The following OSBPL2 variants were observed in gnomAD, a reference collection of about 807,000 sequenced individuals.
The protein encoded by OSBPL2 is oxysterol-binding protein-related protein 2.
A neutral mutation model predicts 58.4 loss-of-function variants in OSBPL2; 18 were observed. The observed-to-expected ratio is 0.31, with a 90% CI of 0.21 to 0.46. The LOEUF is 0.46. Ranked by LOEUF, OSBPL2 falls within the 20% of genes least tolerant of loss-of-function variation. The pLI is 1.00. For synonymous variants in OSBPL2, 221 were observed against 234.1 expected, an observed-to-expected ratio of 0.94 and a Z score of 0.51; for missense variants, 461 against 616.5, an observed-to-expected ratio of 0.75 and a Z score of 2.67.
chr20:62,247,210 A>C (rs1401818822), intron 1 of OSBPL2, among the ~76,000 whole-genome samples: 1 of 152,128 alleles, frequency 6.6e-6, no homozygotes, highest in Admixed American at 6.5e-5. Flanking sequence ...TTGGCCCTGG[A>C]AGCTGGTTTG....
At chr20:62,263,788 G>C (rs550351557) in intron 4 of OSBPL2, 97 bp downstream of exon 4, 6 of 1,106,754 alleles carry the variant, frequency 5.4e-6, no homozygotes, top group Non-Finnish European at 8.2e-6. Context: ...GCTCTTGGCC[G>C]GGCGCGGTGG....
chr20:62,243,183 A>C (rs1046731045), intron 1 of OSBPL2, among the ~76,000 whole-genome samples: 1 of 152,212 alleles, frequency 6.6e-6, no homozygotes, highest in African/African-American at 2.4e-5. Context: ...CTACCCTCTT[A>C]CTGTGAAAGA....
intron 2 of OSBPL2, 119 bp from the exon 3 acceptor site, chr20:62,259,862 T>C: frequency 2.3e-6 from 2 of 865,536 alleles, no homozygotes; most frequent in Non-Finnish European, 3.7e-6. Context: ...CTTCCAAATG[T>C]GTCCGTTCAC....
At chr20:62,275,967 T>C (rs1478309282) in intron 6 of OSBPL2, among the ~76,000 whole-genome samples, 2 of 150,554 alleles carry the variant, frequency 1.3e-5, no homozygotes, top group Non-Finnish European at 2.9e-5. Flanking sequence ...TGGAGGGCAG[T>C]GGCATGATCT....
In OSBPL2 at chr20:62,285,019, G is replaced by A. The variant is rs7268311; in HGVS notation, c.996+850G>A. The A allele has an allele frequency of 2.8e-3, 419 of 152,186 alleles. 3 individuals are homozygous for A. Among genetic ancestry groups the A allele is most frequent in the African/African-American group, 9.5e-3 (395 of 41,500 alleles). The allele number at this position is 152,186 out of a possible 1,614,324, so 9.4% of individuals were successfully genotyped here. A position where few individuals can be genotyped will look rare whatever the true frequency, so the allele number is the denominator to read the frequency against. On this transcript the variant is annotated intron_variant, in intron 10 of 13. Transcript: ENST00000313733. ...CATTATCTTAAGACTAGTTGTTCTT[G>A]AACTTAAAAATAAAAGGGATAGTTC... is the stretch of plus-strand genomic sequence containing the variant.
intron 1 of OSBPL2, among the ~76,000 whole-genome samples, chr20:62,252,444 G>A (rs1343837797): frequency 2.0e-5 from 3 of 152,148 alleles, no homozygotes; most frequent in Non-Finnish European, 2.9e-5. Flanking sequence ...GTGTGCCCAC[G>A]CCTAAGAAGT....
Position 62,283,861 on chromosome 20 carries a change from G to A in OSBPL2, c.873-185G>A, listed in dbSNP as rs2274937. ...TTTCCGGCCCTTCATTTTCCTTTCCGTGGTGTGTATCGGGGCTACGAATGG... is the reference window on the plus strand; with the variant it reads ...TTTCCGGCCCTTCATTTTCCTTTCCATGGTGTGTATCGGGGCTACGAATGG... On this transcript the variant is annotated intron_variant, in intron 9 of 13. Coordinates refer to ENST00000313733, the MANE Select transcript of OSBPL2 (RefSeq NM_144498.4). Among the ~76,000 whole-genome samples, 57,589 of 151,688 alleles carry A rather than the reference G, an allele frequency of 0.38. 12,378 individuals carry two copies. The highest frequency in any genetic ancestry group is 0.52 in the East Asian group (2,693 of 5,138).
intron 3 of OSBPL2, 114 bp from the exon 4 acceptor site, chr20:62,263,502 A>G: frequency 1.2e-6 from 1 of 834,346 alleles, no homozygotes; most frequent in Non-Finnish European, 2.0e-6. Context: ...GAATGTAGAA[A>G]TGCCAATGTT....
At chr20:62,289,869 CA>C (rs1319953077) in intron 12 of OSBPL2, among the ~76,000 whole-genome samples, 1 of 152,168 alleles carries the variant, frequency 6.6e-6, no homozygotes, top group Non-Finnish European at 1.5e-5. Flanking sequence ...TATACCACTG[CA>C]CTCCAGCCAG....
rs1982770979 is a variant in OSBPL2 at position 62,281,361 on chromosome 20, GA to G, written c.782+197del. 2.5e-5 allele frequency: 14 copies of G among 570,796 alleles called. No individual in the cohort carries two copies. The East Asian group carries it at 4.0e-4, about 16-fold the overall frequency. 35.4% of individuals were successfully genotyped at this position (570,796 alleles called of 1,614,324 possible). ...TTGGCCATGAATGCTCCTCGTTCAA[GA>G]CCTCGTTTTTCGTCACGGTTGTTAC... On this transcript the variant is annotated intron_variant, in intron 8 of 13. Transcript: ENST00000313733.
At chr20:62,271,278 G>A (rs1740122114) in intron 4 of OSBPL2, among the ~76,000 whole-genome samples, 1 of 152,154 alleles carries the variant, frequency 6.6e-6, no homozygotes, top group South Asian at 2.1e-4. Flanking sequence ...CCAGGGCCTG[G>A]GAGCAGACAC....
chr20:62,277,645 A>G (rs192862822), intron 6 of OSBPL2, among the ~76,000 whole-genome samples: 1 of 152,370 alleles, frequency 6.6e-6, no homozygotes, highest in African/African-American at 2.4e-5. Flanking sequence ...TTCTCAGACA[A>G]GTATTCATTT....
At chr20:62,243,233 G>C (rs1247379352) in intron 1 of OSBPL2, among the ~76,000 whole-genome samples, 1 of 152,222 alleles carries the variant, frequency 6.6e-6, no homozygotes, top group Non-Finnish European at 1.5e-5. Context: ...TCCTGCGAGT[G>C]CCCTGGCTCT....
chr20:62,241,944 A>G (rs1002019536), intron 1 of OSBPL2, among the ~76,000 whole-genome samples: 5 of 152,200 alleles, frequency 3.3e-5, no homozygotes, highest in African/African-American at 9.7e-5. Flanking sequence ...TCCAATATGT[A>G]GTACATTTTC....
intron 3 of OSBPL2, 87 bp downstream of exon 3, chr20:62,260,212 C>A: frequency 7.5e-7 from 1 of 1,333,660 alleles, no homozygotes; most frequent in Non-Finnish European, 1.0e-6. Context: ...CCCTCACGAG[C>A]ATTGAGCTGG....
rs759698256 is a variant in OSBPL2, at chr20:62,286,607, A to T, written c.1021A>T (p.Ser341Cys). The change falls in exon 11 of 14, where the codon AGC becomes TGC. Residue 341 changes from serine (S) to cysteine (C), a missense_variant. By Grantham distance (112) the Ser-to-Cys change is moderately radical (BLOSUM62 -1). Transcript: ENST00000313733. ...GGATGAAGACTCCGGGAAGGCTGACAGCGACGTGGCTGACGACGTGCCTGT... is the reference window on the plus strand; with the variant it reads ...GGATGAAGACTCCGGGAAGGCTGACTGCGACGTGGCTGACGACGTGCCTGT... ...KLDEDSGKAD[S>C]DVADDVPVAQ... 2 of 1,613,444 alleles carry T rather than the reference A, an allele frequency of 1.2e-6. No homozygotes were observed. Among genetic ancestry groups the T allele is most frequent in the Non-Finnish European group, 1.7e-6 (2 of 1,179,722 alleles).
Position 62,251,331 on chromosome 20 carries a change from G to C in OSBPL2, c.-128-4726G>C, listed in dbSNP as rs532528975. On this transcript the variant is annotated intron_variant, in intron 1 of 13. Coordinates refer to ENST00000313733, the MANE Select transcript of OSBPL2 (RefSeq NM_144498.4). ...GGCCTCGCAAAGTGCTGGGATTACA[G>C]ACAGGCGTGAGCCACCACGCCCGGA... 2.5e-4 allele frequency among the ~76,000 whole-genome samples: 37 copies of C among 150,060 alleles called. 2 individuals carry two copies. In the South Asian group the frequency reaches 7.6e-3, roughly 31 times the overall value.
intron 5 of OSBPL2, 121 bp downstream of exon 5, chr20:62,272,380 A>G: frequency 1.9e-6 from 2 of 1,076,954 alleles, no homozygotes; most frequent in Non-Finnish European, 2.7e-6. Context: ...CCCAGTGTTC[A>G]GTGCCATCCT....
rs554319133 is a variant in OSBPL2, at chr20:62,240,924, T to C, written c.-129+2327T>C. On this transcript the variant is annotated intron_variant, in intron 1 of 13. Transcript: ENST00000313733. Reference sequence around the variant, plus strand: ...AGGGAGGACTGAGGGGCATGGGTGCTGACAGGCGTACAGTCCAGACTCTGA... The same window carrying C: ...AGGGAGGACTGAGGGGCATGGGTGCCGACAGGCGTACAGTCCAGACTCTGA... Among the ~76,000 whole-genome samples, 6 of 152,344 alleles carry C rather than the reference T, an allele frequency of 3.9e-5. No individual in the cohort carries two copies. The South Asian group carries it at 1.2e-3, about 32-fold the overall frequency.
Sources: allele counts gnomAD v4.1 joint callset (sites outside exome capture counted in the v4.1 genomes callset), GRCh38; gene constraint gnomAD v4.1.1; transcripts MANE v1.5; gene names NCBI Gene and HGNC (gene_info 2026-07-23, HGNC 2026-07-21).